Variants in UVRAG observed in about 807,000 individuals in gnomAD.
The protein encoded by UVRAG is UV radiation resistance-associated gene protein.
In UVRAG, 19 loss-of-function variants were observed where a neutral mutation model predicts 78.0. The ratio of observed to expected loss-of-function variants is 0.24; its 90% CI spans 0.17 to 0.36. The LOEUF (loss-of-function observed/expected upper bound fraction) is 0.36, where lower values mean the gene tolerates loss of function less well. Among genes scored for constraint, UVRAG ranks in the 10% least tolerant of loss-of-function variants. The probability of loss-of-function intolerance (pLI) is 1.00; values close to 1 mark genes in which losing one functional copy is unlikely to be tolerated. For missense variants in UVRAG, 740 were observed against 853.8 expected (o/e 0.87, Z 1.66); for synonymous variants, 323 against 324.6 (o/e 1.00, Z 0.05).
At chr11:75,888,505 G>A (rs1198309341) in intron 4 of UVRAG, among the ~76,000 whole-genome samples, 1 of 152,186 alleles carries the variant, frequency 6.6e-6, no homozygotes, top group African/African-American at 2.4e-5. Flanking sequence ...TTTGGGGTTA[G>A]AGAGGGTAGA....
chr11:75,927,477 A>G (rs1948136203), intron 6 of UVRAG, among the ~76,000 whole-genome samples: 1 of 152,320 alleles, frequency 6.6e-6, no homozygotes, highest in Admixed American at 6.5e-5. Flanking sequence ...GGCTCTTGTT[A>G]TATACTGAAA....
chr11:75,995,250 T>G (rs1006825313), intron 8 of UVRAG, among the ~76,000 whole-genome samples: 9 of 152,106 alleles, frequency 5.9e-5, no homozygotes, highest in African/African-American at 2.2e-4. Context: ...AAAAGCCATT[T>G]GGTGGGAATG....
chr11:76,074,540 G>A (rs536837648), intron 13 of UVRAG, among the ~76,000 whole-genome samples: 1 of 152,278 alleles, frequency 6.6e-6, no homozygotes, highest in Admixed American at 6.5e-5. Context: ...TGTATAGAAT[G>A]TAATGGCTTT....
chr11:75,903,498 A>G (rs1947554076), intron 5 of UVRAG, among the ~76,000 whole-genome samples: 1 of 152,184 alleles, frequency 6.6e-6, no homozygotes, highest in Admixed American at 6.5e-5. Context: ...TTTTCTCTGA[A>G]TGCAGCTTGT....
intron 6 of UVRAG, among the ~76,000 whole-genome samples, chr11:75,957,968 T>C (rs558805061): frequency 1.3e-5 from 2 of 152,334 alleles, no homozygotes; most frequent in East Asian, 3.9e-4. Flanking sequence ...CCAGTGCGTA[T>C]AAAAGTTATG....
At chr11:76,106,284 G>A (rs1951967743) in intron 13 of UVRAG, among the ~76,000 whole-genome samples, 1 of 152,078 alleles carries the variant, frequency 6.6e-6, no homozygotes, top group Non-Finnish European at 1.5e-5. Context: ...AACTGTCTCT[G>A]TTCTATTAGA....
At position 76,143,918 on chromosome 11, in the gene UVRAG, T is replaced by G. The variant is rs1952764365; in HGVS notation, c.*2505T>G. 6.6e-6 allele frequency among the ~76,000 whole-genome samples: 1 copy of G among 152,268 alleles called. No individual in the cohort carries two copies. The highest frequency in any genetic ancestry group is 2.4e-5 in the African/African-American group (1 of 41,474). On this transcript the variant is annotated 3_prime_UTR_variant, in exon 15 of 15. Coordinates refer to ENST00000356136, the MANE Select transcript of UVRAG (RefSeq NM_003369.4). ...CTGCTAAGAACCCTTTCAGTTTTCT[T>G]ACAGCTGAGACACTTTTAAACAGCG...
chr11:76,030,628 G>A (rs978097064), intron 12 of UVRAG, among the ~76,000 whole-genome samples: 4 of 152,114 alleles, frequency 2.6e-5, no homozygotes, highest in African/African-American at 9.6e-5. Context: ...ACAATTGGTT[G>A]TTTTCCAAAC....
chr11:76,080,700 C>T (rs1415543414), intron 13 of UVRAG, among the ~76,000 whole-genome samples: 1 of 152,144 alleles, frequency 6.6e-6, no homozygotes, highest in Non-Finnish European at 1.5e-5. Flanking sequence ...AGAGGCTGGT[C>T]AAGCTATGTA....
At chr11:75,921,949 T>C (rs1478963163) in intron 6 of UVRAG, among the ~76,000 whole-genome samples, 1 of 152,106 alleles carries the variant, frequency 6.6e-6, no homozygotes, top group African/African-American at 2.4e-5. Context: ...CTACAGGGGA[T>C]TTTTTTGTGT....
chr11:76,082,158 A>G (rs1178835985), intron 13 of UVRAG, among the ~76,000 whole-genome samples: 1 of 152,166 alleles, frequency 6.6e-6, no homozygotes, highest in Non-Finnish European at 1.5e-5. Flanking sequence ...GTGGTAACAC[A>G]GGGGTTTGCT....
chr11:75,960,716 G>A (rs574581066), intron 6 of UVRAG, among the ~76,000 whole-genome samples: 9 of 152,224 alleles, frequency 5.9e-5, no homozygotes, highest in African/African-American at 2.2e-4. Flanking sequence ...GCAGTGAGCC[G>A]TGATTGCACC....
At chr11:76,118,487 G>C (rs533764157) in intron 14 of UVRAG, among the ~76,000 whole-genome samples, 4 of 152,240 alleles carry the variant, frequency 2.6e-5, no homozygotes, top group African/African-American at 9.6e-5. Context: ...TCACCATTAA[G>C]TATTATATTT....
chr11:75,945,863 T>C (rs1248927554), intron 6 of UVRAG, among the ~76,000 whole-genome samples: 1 of 152,112 alleles, frequency 6.6e-6, no homozygotes, highest in Non-Finnish European at 1.5e-5. Context: ...TAATTCCTAC[T>C]TTTCCTTCAA....
intron 8 of UVRAG, among the ~76,000 whole-genome samples, chr11:75,999,006 G>A (rs1423387912): frequency 6.6e-6 from 1 of 152,148 alleles, no homozygotes; most frequent in Admixed American, 6.5e-5. Context: ...GTGTTTTCAG[G>A]TGGATCACCT....
intron 13 of UVRAG, among the ~76,000 whole-genome samples, chr11:76,083,701 T>A (rs1464685827): frequency 3.3e-5 from 5 of 152,228 alleles, no homozygotes; most frequent in Admixed American, 2.6e-4. Context: ...AAAAAATTTT[T>A]TTTTAGATTT....
intron 5 of UVRAG, among the ~76,000 whole-genome samples, chr11:75,898,938 AC>A (rs1316037639): frequency 1.3e-5 from 2 of 151,748 alleles, no homozygotes; most frequent in Non-Finnish European, 1.5e-5. Context: ...CGCAAGCAGA[AC>A]ATCATTCAGA....
At chr11:75,905,164 A>G (rs1947587910) in intron 5 of UVRAG, among the ~76,000 whole-genome samples, 1 of 152,082 alleles carries the variant, frequency 6.6e-6, no homozygotes, top group African/African-American at 2.4e-5. Flanking sequence ...TCTTAAATCT[A>G]CTTCTCAAGT....
intron 6 of UVRAG, among the ~76,000 whole-genome samples, chr11:75,951,353 GTGTGTGTA>G (rs1403425373): frequency 0.027 from 3,409 of 126,090 alleles, 125 homozygotes; most frequent in African/African-American, 0.088. Flanking sequence ...GTGTGTGTGT[GTGTGTGTA>G]TATATTTTTT....
Sources: allele counts gnomAD v4.1 joint callset (sites outside exome capture counted in the v4.1 genomes callset), GRCh38; gene constraint gnomAD v4.1.1; transcripts MANE v1.5; gene names NCBI Gene and HGNC (gene_info 2026-07-23, HGNC 2026-07-21).